Variants in SFMBT2 observed in about 807,000 individuals in gnomAD.
The protein encoded by SFMBT2 is Scm like with four mbt domains 2.
Under a neutral mutation model 110.1 loss-of-function variants are expected in SFMBT2, and 38 were observed. That is an observed-to-expected ratio of 0.35 (90% CI 0.27 to 0.45). The LOEUF is 0.45. Ranked by LOEUF, SFMBT2 falls within the 20% of genes least tolerant of loss-of-function variation. The probability of loss-of-function intolerance (pLI) is 1.00; values close to 1 mark genes in which losing one functional copy is unlikely to be tolerated. For missense variants in SFMBT2, 1,011 were observed against 1,094.9 expected, an observed-to-expected ratio of 0.92 and a Z score of 1.08; for synonymous variants, 425 against 425.4, an observed-to-expected ratio of 1.00 and a Z score of 0.01.
chr10:7,348,841 T>C (rs780675628), intron 4 of SFMBT2, among the ~76,000 whole-genome samples: 4 of 152,200 alleles, frequency 2.6e-5, no homozygotes, highest in Non-Finnish European at 5.9e-5. Context: ...TCAGTTTCCG[T>C]GAATGGCAGG....
intron 4 of SFMBT2, among the ~76,000 whole-genome samples, chr10:7,352,140 A>G (rs908984991): frequency 1.3e-5 from 2 of 152,162 alleles, no homozygotes; most frequent in East Asian, 1.9e-4. Flanking sequence ...CGGAGGAGCC[A>G]CTTACTAGAC....
chr10:7,192,882 A>G (rs2762605), intron 15 of SFMBT2, among the ~76,000 whole-genome samples: 56,688 of 151,838 alleles, frequency 0.37, 11,993 homozygotes, highest in South Asian at 0.48. Flanking sequence ...CTGCTGGTCT[A>G]CGCCTTCACA....
chr10:7,212,299 T>TATCTTAA (rs1839376570), intron 11 of SFMBT2, among the ~76,000 whole-genome samples: 1 of 152,236 alleles, frequency 6.6e-6, no homozygotes, highest in Non-Finnish European at 1.5e-5. Context: ...TGGACTGCTG[T>TATCTTAA]ATCTTAAATC....
chr10:7,409,748 C>A (rs1159101067), intron 1 of SFMBT2, among the ~76,000 whole-genome samples: 1 of 152,072 alleles, frequency 6.6e-6, no homozygotes, highest in Non-Finnish European at 1.5e-5. Context: ...GTGGAAACTT[C>A]AGCTGGGTTT....
At chr10:7,222,255 C>T (rs1839766234) in intron 10 of SFMBT2, among the ~76,000 whole-genome samples, 2 of 152,186 alleles carry the variant, frequency 1.3e-5, no homozygotes, top group Non-Finnish European at 2.9e-5. Context: ...AGTTAAAGGA[C>T]ATTTGAGTCA....
intron 6 of SFMBT2, among the ~76,000 whole-genome samples, chr10:7,282,532 G>A (rs1429044412): frequency 2.0e-5 from 3 of 152,206 alleles, no homozygotes; most frequent in Non-Finnish European, 2.9e-5. Flanking sequence ...TTCACAACAC[G>A]ACAGGCTCTT....
chr10:7,318,463 A>G (rs576077991), intron 4 of SFMBT2, among the ~76,000 whole-genome samples: 115 of 152,282 alleles, frequency 7.6e-4, no homozygotes, highest in African/African-American at 2.7e-3. Context: ...CCTGAATTCC[A>G]GGTCAGCCAA....
At chr10:7,311,045 CA>C (rs201310544) in intron 4 of SFMBT2, among the ~76,000 whole-genome samples, 11,839 of 96,654 alleles carry the variant, frequency 0.12, 402 homozygotes, top group African/African-American at 0.17. Context: ...AACTCCATCT[CA>C]AAAAAAAAAA....
chr10:7,226,474 G>A (rs1279384372), intron 10 of SFMBT2, among the ~76,000 whole-genome samples: 1 of 152,316 alleles, frequency 6.6e-6, no homozygotes, highest in Non-Finnish European at 1.5e-5. Context: ...TGGCAGCAAC[G>A]AAACCGCAAG....
At chr10:7,271,595 T>C (rs1998946) in intron 7 of SFMBT2, among the ~76,000 whole-genome samples, 112,089 of 151,592 alleles carry the variant, frequency 0.74, 42,064 homozygotes, top group East Asian at 0.92. Context: ...AAGGATTCCT[T>C]TGGGGAATCT....
intron 7 of SFMBT2, among the ~76,000 whole-genome samples, chr10:7,256,770 T>C (rs1841020773): frequency 6.6e-6 from 1 of 152,104 alleles, no homozygotes; most frequent in South Asian, 2.1e-4. Flanking sequence ...CTGGGACTGG[T>C]ATTTTAAACA....
intron 7 of SFMBT2, among the ~76,000 whole-genome samples, 197 bp from the exon 8 acceptor site, chr10:7,248,846 A>C (rs1840707463): frequency 6.6e-6 from 1 of 152,328 alleles, no homozygotes; most frequent in South Asian, 2.1e-4. Context: ...TGCTTTTCCA[A>C]GGGAGAGGCA....
At chr10:7,356,880 G>A (rs775059589) in intron 4 of SFMBT2, among the ~76,000 whole-genome samples, 1 of 152,188 alleles carries the variant, frequency 6.6e-6, no homozygotes, top group Non-Finnish European at 1.5e-5. Context: ...CTGCTGAGCA[G>A]CAGGCAGTGA....
chr10:7,225,001 G>C (rs1251872613), intron 10 of SFMBT2, among the ~76,000 whole-genome samples: 3 of 152,130 alleles, frequency 2.0e-5, no homozygotes, highest in Non-Finnish European at 2.9e-5. Context: ...CTGGCTCCAT[G>C]CCTTTACATT....
chr10:7,357,989 C>T (rs1372538617), intron 4 of SFMBT2, among the ~76,000 whole-genome samples: 1 of 152,016 alleles, frequency 6.6e-6, no homozygotes, highest in African/African-American at 2.4e-5. Context: ...CTCTAGAACA[C>T]CTGCATGGCC....
intron 11 of SFMBT2, among the ~76,000 whole-genome samples, chr10:7,218,648 C>T (rs963332585): frequency 2.6e-5 from 4 of 152,136 alleles, no homozygotes; most frequent in African/African-American, 7.2e-5. Flanking sequence ...AGAAAAAGAT[C>T]GGACATGAGC....
intron 2 of SFMBT2, among the ~76,000 whole-genome samples, chr10:7,371,673 C>G (rs1845068315): frequency 6.6e-6 from 1 of 152,152 alleles, no homozygotes; most frequent in Non-Finnish European, 1.5e-5. Context: ...AAAGAGCTGT[C>G]CAAAATGCAC....
At chr10:7,323,395 G>A (rs1488160308) in intron 4 of SFMBT2, among the ~76,000 whole-genome samples, 2 of 136,726 alleles carry the variant, frequency 1.5e-5, no homozygotes, top group Non-Finnish European at 1.5e-5. Flanking sequence ...AGGTTGCAGT[G>A]AGCCAAGATC....
intron 4 of SFMBT2, among the ~76,000 whole-genome samples, chr10:7,304,470 C>T (rs573203937): frequency 1.3e-5 from 2 of 152,246 alleles, no homozygotes; most frequent in South Asian, 2.1e-4. Context: ...GACTAATACA[C>T]GTACTAAGGG....
Sources: allele counts gnomAD v4.1 joint callset (sites outside exome capture counted in the v4.1 genomes callset), GRCh38; gene constraint gnomAD v4.1.1; transcripts MANE v1.5; gene names NCBI Gene and HGNC (gene_info 2026-07-23, HGNC 2026-07-21).